Variants in LRMDA observed in about 807,000 individuals in gnomAD.
The protein encoded by LRMDA is leucine-rich melanocyte differentiation-associated protein.
LRMDA carries 18 observed loss-of-function variants against 29.8 expected under a neutral mutation model. The observed-to-expected ratio is 0.60, with a 90% CI of 0.42 to 0.90. The LOEUF (loss-of-function observed/expected upper bound fraction) is 0.90. Among genes scored for constraint, LRMDA ranks in the 40% least tolerant of loss-of-function variants. The pLI is 0.00. For missense variants in LRMDA, 273 were observed against 273.9 expected (o/e 1.00, Z 0.02); for synonymous variants, 125 against 109.4 (o/e 1.14, Z -0.89).
At chr10:76,546,423 T>C (rs1194690197) in intron 6 of LRMDA, among the ~76,000 whole-genome samples, 2 of 152,214 alleles carry the variant, frequency 1.3e-5, no homozygotes, top group African/African-American at 4.8e-5. Context: ...TTTAGTGTCT[T>C]ATGTGTGAAA....
In LRMDA at chr10:76,379,161, T is replaced by G. The variant is rs1042522544; in HGVS notation, c.601+54676T>G. On this transcript the variant is annotated intron_variant, in intron 6 of 6. Transcript: ENST00000611255. ...CGTGAGCCACTGTGCCTGGCCTTCT[T>G]TGTGTGTGTGTGTGTGTGTGTGTGT... 2.9e-5 allele frequency among the ~76,000 whole-genome samples: 4 copies of G among 137,856 alleles called. No individual in the cohort carries two copies. The East Asian group carries it at 8.6e-4, about 30-fold the overall frequency. The allele number at this position is 137,856 out of a possible 152,430, so 90.4% of individuals were successfully genotyped here.
At chr10:76,290,915 C>T (rs921597965) in intron 5 of LRMDA, among the ~76,000 whole-genome samples, 1 of 152,180 alleles carries the variant, frequency 6.6e-6, no homozygotes, top group Non-Finnish European at 1.5e-5. Flanking sequence ...TCATGAACTA[C>T]TTTGCTAGTT....
chr10:76,218,773 G>A (rs1448242345), intron 5 of LRMDA, among the ~76,000 whole-genome samples: 1 of 110,238 alleles, frequency 9.1e-6, no homozygotes, highest in African/African-American at 2.6e-5. Context: ...GAGAATAGCT[G>A]TGAGTCTCAC....
At chr10:75,902,852 C>T (rs923604636) in intron 2 of LRMDA, among the ~76,000 whole-genome samples, 14 of 152,152 alleles carry the variant, frequency 9.2e-5, no homozygotes, top group Admixed American at 2.6e-4. Flanking sequence ...CTGGTTCCCC[C>T]GACAACCCCC....
chr10:76,464,769 T>A (rs559360443), intron 6 of LRMDA: 1 of 152,290 alleles, frequency 6.6e-6, no homozygotes, highest in Non-Finnish European at 1.5e-5. Context: ...GATTCATGAG[T>A]TTCCATTATT....
intron 2 of LRMDA, among the ~76,000 whole-genome samples, chr10:75,998,041 C>G (rs925963683): frequency 6.6e-6 from 1 of 152,080 alleles, no homozygotes; most frequent in Admixed American, 6.5e-5. Flanking sequence ...TACAAAGATG[C>G]GTTAATTCAG....
chr10:75,464,427 C>T (rs1312729819), intron 2 of LRMDA, among the ~76,000 whole-genome samples: 1 of 152,126 alleles, frequency 6.6e-6, no homozygotes, highest in African/African-American at 2.4e-5. Flanking sequence ...GGTATGTAAG[C>T]ACACATGTTA....
chr10:76,416,165 T>A (rs1377487943), intron 6 of LRMDA, among the ~76,000 whole-genome samples: 3 of 152,104 alleles, frequency 2.0e-5, no homozygotes, highest in Admixed American at 2.0e-4. Flanking sequence ...TCAACTAATA[T>A]GGCAGAACTC....
At chr10:75,967,829 A>G (rs546845949) in intron 2 of LRMDA, among the ~76,000 whole-genome samples, 1 of 152,042 alleles carries the variant, frequency 6.6e-6, no homozygotes, top group Non-Finnish European at 1.5e-5. Context: ...CTTCCCTGGG[A>G]GGCCCACGAG....
chr10:76,516,069 A>G (rs1287743950), intron 6 of LRMDA, among the ~76,000 whole-genome samples: 1 of 152,162 alleles, frequency 6.6e-6, no homozygotes, highest in African/African-American at 2.4e-5. Context: ...GTGGTTTCTT[A>G]TTTGTAGCAC....
At chr10:76,261,500 C>T (rs1264641591) in intron 5 of LRMDA, among the ~76,000 whole-genome samples, 1 of 152,028 alleles carries the variant, frequency 6.6e-6, no homozygotes, top group South Asian at 2.1e-4. Context: ...AAAAATGACA[C>T]CCTAGTTGTT....
chr10:76,103,300 T>G lies in LRMDA; in HGVS notation c.516+44517T>G, dbSNP rs1163206031. ...AAAATGCAGTTGAGGATAAAGAGGT[T>G]GTTTTTAACAATAAGAGCCCTCTTG... On this transcript the variant is annotated intron_variant, in intron 5 of 6. Coordinates refer to ENST00000611255, the MANE Select transcript of LRMDA (RefSeq NM_001305581.2). Among the ~76,000 whole-genome samples the G allele has an allele frequency of 2.6e-5, 4 of 152,212 alleles. No individual in the cohort carries two copies. In the East Asian group the frequency reaches 7.7e-4, roughly 29 times the overall value.
At chr10:76,191,931 A>G (rs1851254536) in intron 5 of LRMDA, among the ~76,000 whole-genome samples, 1 of 152,220 alleles carries the variant, frequency 6.6e-6, no homozygotes, top group African/African-American at 2.4e-5. Flanking sequence ...AAAATGAGCA[A>G]GAACACATGG....
At chr10:75,900,890 G>A (rs1044927276) in intron 2 of LRMDA, among the ~76,000 whole-genome samples, 2 of 152,050 alleles carry the variant, frequency 1.3e-5, no homozygotes, top group East Asian at 1.9e-4. Context: ...TCCTGTCTAC[G>A]CTGAACTAGA....
chr10:76,277,706 C>T (rs1338566963), intron 5 of LRMDA, among the ~76,000 whole-genome samples: 4 of 152,150 alleles, frequency 2.6e-5, no homozygotes, highest in African/African-American at 9.7e-5. Context: ...TATCTTCCCA[C>T]CTCTCATAAT....
chr10:76,294,584 T>G (rs2132352182), intron 5 of LRMDA, among the ~76,000 whole-genome samples: 1 of 152,274 alleles, frequency 6.6e-6, no homozygotes, highest in East Asian at 1.9e-4. Context: ...TTTATTAACT[T>G]TCAAAGTATA....
intron 2 of LRMDA, among the ~76,000 whole-genome samples, chr10:75,757,764 AG>A (rs1429912451): frequency 9.9e-5 from 15 of 151,900 alleles, no homozygotes; most frequent in Admixed American, 6.6e-5. Flanking sequence ...TGCATTGTAA[AG>A]TTTGTAGGGC....
chr10:76,462,538 G>A (rs115047646), intron 6 of LRMDA, among the ~76,000 whole-genome samples: 337 of 152,246 alleles, frequency 2.2e-3, no homozygotes, highest in African/African-American at 5.8e-3. Context: ...GGGTTTGGCC[G>A]CTATAGCTAG....
chr10:76,086,688 T>C (rs1438784331), intron 5 of LRMDA, among the ~76,000 whole-genome samples: 1 of 152,096 alleles, frequency 6.6e-6, no homozygotes, highest in East Asian at 1.9e-4. Flanking sequence ...GGGGCCCGAA[T>C]GAAAAAGGCA....
Sources: gnomAD v4.1 joint callset for allele counts (sites outside exome capture counted in the v4.1 genomes callset) on GRCh38, gnomAD v4.1.1 for gene constraint, MANE v1.5 for transcripts, NCBI Gene and HGNC (gene_info 2026-07-23, HGNC 2026-07-21) for gene names.